Variants in ZDHHC18 observed in about 807,000 individuals in gnomAD.
The protein encoded by ZDHHC18 is zDHHC palmitoyltransferase 18.
ZDHHC18 carries 23 observed loss-of-function variants against 37.5 expected under a neutral mutation model. The observed-to-expected ratio is 0.61, with a 90% CI of 0.44 to 0.87. The LOEUF is 0.87. ZDHHC18 is among the 40% of genes least tolerant of loss of function. ZDHHC18 has a pLI of 0.00. For missense variants in ZDHHC18, 406 were observed against 525.6 expected (o/e 0.77, Z 2.22); for synonymous variants, 185 against 218.7 (o/e 0.85, Z 1.36).
chr1:26,848,546 C>T (rs2081684646), intron 2 of ZDHHC18, 62 bp from the exon 3 acceptor site: 1 of 1,575,670 alleles, frequency 6.3e-7, no homozygotes, highest in Non-Finnish European at 8.7e-7. Flanking sequence ...CTTTCCCCTG[C>T]TGGGGATCCG....
intron 7 of ZDHHC18, among the ~76,000 whole-genome samples, 185 bp from the exon 8 acceptor site, chr1:26,853,541 A>G (rs1211116511): frequency 6.6e-6 from 1 of 152,266 alleles, no homozygotes; most frequent in Non-Finnish European, 1.5e-5. Context: ...CCAGGTGGCC[A>G]GAGGGCAGAG....
In ZDHHC18 at chr1:26,854,369, C is replaced by G. The variant is rs912995212; in HGVS notation, c.*526C>G. The G allele has an allele frequency of 1.3e-5, 2 of 152,812 alleles. No individual in the cohort carries two copies. The highest frequency in any genetic ancestry group is 6.5e-5 in the Admixed American group (1 of 15,310). The allele number at this position is 152,812 out of a possible 1,614,324, so 9.5% of individuals were successfully genotyped here. Reference sequence around the variant, plus strand: ...TGGGATTTTTGGTGGGGTTTTCCCCCCTTTTTTATGGAGTTGGCCAATAGG... The same window carrying G: ...TGGGATTTTTGGTGGGGTTTTCCCCGCTTTTTTATGGAGTTGGCCAATAGG... On this transcript the variant is annotated 3_prime_UTR_variant, in exon 8 of 8. Transcript: ENST00000374142. This position sits in a 1 kb window ranked among gnomAD's most constrained non-coding sequence, Gnocchi z 4.6.
At chr1:26,843,227 CCA>C (rs2081647398) in intron 2 of ZDHHC18, among the ~76,000 whole-genome samples, 1 of 151,028 alleles carries the variant, frequency 6.6e-6, no homozygotes, top group African/African-American at 2.4e-5. Flanking sequence ...ACTGCAACCT[CCA>C]CCTCCCGAGT....
At position 26,852,254 on chromosome 1, in the gene ZDHHC18, T is replaced by C. The variant is rs577210731; in HGVS notation, c.937-499T>C. 3.9e-5 allele frequency among the ~76,000 whole-genome samples: 6 copies of C among 152,344 alleles called. No individual in the cohort carries two copies. The South Asian group carries it at 1.2e-3, about 32-fold the overall frequency. ...CAAGGTATTCTTTATTGCTAAACTCTCCAGTGCCTTCCATAGCTGACTTCA... is the reference window on the plus strand; with the variant it reads ...CAAGGTATTCTTTATTGCTAAACTCCCCAGTGCCTTCCATAGCTGACTTCA... On this transcript the variant is annotated intron_variant, in intron 6 of 7. Coordinates refer to ENST00000374142, the MANE Select transcript of ZDHHC18 (RefSeq NM_032283.3).
chr1:26,842,149 A>AAG (rs199852583), intron 2 of ZDHHC18, among the ~76,000 whole-genome samples: 8 of 149,694 alleles, frequency 5.3e-5, no homozygotes, highest in Non-Finnish European at 7.4e-5. Flanking sequence ...AAAAAAAAAA[A>AAG]AGAGAGAGAG....
intron 2 of ZDHHC18, among the ~76,000 whole-genome samples, chr1:26,840,722 G>A (rs937635572): frequency 7.3e-5 from 11 of 150,304 alleles, no homozygotes; most frequent in Admixed American, 1.3e-4. Context: ...GATTACAGGC[G>A]TGAGCCATCA....
chr1:26,844,131 C>A (rs151308420), intron 2 of ZDHHC18, among the ~76,000 whole-genome samples: 15 of 152,254 alleles, frequency 9.9e-5, no homozygotes, highest in Non-Finnish European at 2.1e-4. Flanking sequence ...CCTCCATCTC[C>A]TGGGTTCAAG....
At chr1:26,827,478 C>T (rs543862055) in intron 1 of ZDHHC18, among the ~76,000 whole-genome samples, 1 of 152,228 alleles carries the variant, frequency 6.6e-6, no homozygotes, top group African/African-American at 2.4e-5. Flanking sequence ...CCCCCATCCT[C>T]GCTGCCCTCT....
chr1:26,833,730 G>A (rs187726335), intron 2 of ZDHHC18, among the ~76,000 whole-genome samples: 39 of 152,172 alleles, frequency 2.6e-4, no homozygotes, highest in African/African-American at 8.4e-4. Flanking sequence ...GGGGGTTTCC[G>A]GTCCGTGGTT....
At chr1:26,853,621 C>G in intron 7 of ZDHHC18, 105 bp from the exon 8 acceptor site, 2 of 1,097,688 alleles carry the variant, frequency 1.8e-6, no homozygotes, top group South Asian at 2.8e-5. Context: ...CAGCCTTTCT[C>G]AGCCTGGGCC....
intron 1 of ZDHHC18, chr1:26,832,185 A>G (rs2081591100): frequency 4.4e-6 from 2 of 457,674 alleles, no homozygotes; most frequent in Admixed American, 3.7e-5. Flanking sequence ...TGCAGAGGTT[A>G]GGAGTGCTGG....
chr1:26,850,673 C>A lies in ZDHHC18; in HGVS notation c.833+67C>A. 1.3e-6 allele frequency: 2 copies of A among 1,555,808 alleles called. No individual in the cohort carries two copies. The highest frequency in any genetic ancestry group is 1.8e-6 in the Non-Finnish European group (2 of 1,131,374). Reference sequence around the variant, plus strand: ...GTCCCTTCACTGGGTGGGTGCCCTGCCTCATCCTCTAATCAGAAGGGAACA... The same window carrying A: ...GTCCCTTCACTGGGTGGGTGCCCTGACTCATCCTCTAATCAGAAGGGAACA... On this transcript the variant is annotated intron_variant, in intron 5 of 7. Coordinates refer to ENST00000374142, the MANE Select transcript of ZDHHC18 (RefSeq NM_032283.3). The surrounding 1 kb of genome is among the most constrained non-coding windows in gnomAD (Gnocchi z 6.1).
At chr1:26,844,371 G>C (rs1208248941) in intron 2 of ZDHHC18, among the ~76,000 whole-genome samples, 1 of 152,148 alleles carries the variant, frequency 6.6e-6, no homozygotes, top group Non-Finnish European at 1.5e-5. Flanking sequence ...TAATATTATT[G>C]TGTGTAGTTG....
In ZDHHC18 at chr1:26,843,238, G is replaced by A. The variant is rs2081647465; in HGVS notation, c.497-5370G>A. On this transcript the variant is annotated intron_variant, in intron 2 of 7. Transcript: ENST00000374142. ...GCTCACTGCAACCTCCACCTCCCGA[G>A]TTCAAGCAATTCTCCTTTCTCAGCC... Among the ~76,000 whole-genome samples, 3 of 150,508 alleles carry A rather than the reference G, an allele frequency of 2.0e-5. No homozygotes were observed. The South Asian group carries it at 6.3e-4, about 32-fold the overall frequency.
intron 2 of ZDHHC18, among the ~76,000 whole-genome samples, chr1:26,837,463 A>G (rs994502039): frequency 1.6e-5 from 2 of 128,690 alleles, no homozygotes; most frequent in Admixed American, 7.5e-5. Context: ...TATGTATATT[A>G]TTTATTTATT....
chr1:26,857,453 G>A lies in ZDHHC18; in HGVS notation c.*3610G>A, dbSNP rs563991565. ...CTCTAGGCACTGAGGGACCAAGCTA[G>A]CCGTGCACAGCCCCATACACTTCAG... On this transcript the variant is annotated 3_prime_UTR_variant, in exon 8 of 8. Coordinates refer to ENST00000374142, the MANE Select transcript of ZDHHC18 (RefSeq NM_032283.3). 1.3e-5 allele frequency: 2 copies of A among 152,356 alleles called. No individual in the cohort carries two copies. Among genetic ancestry groups the A allele is most frequent in the Admixed American group, 1.3e-4 (2 of 15,294 alleles). 9.4% of individuals were successfully genotyped at this position (152,356 alleles called of 1,614,324 possible).
In ZDHHC18 at chr1:26,856,226, A is replaced by AG. The variant is rs1445208838; in HGVS notation, c.*2387dup. The AG allele has an allele frequency of 2.2e-6, 1 of 453,218 alleles. No homozygotes were observed. The highest frequency in any genetic ancestry group is 4.5e-6 in the Non-Finnish European group (1 of 224,466). 28.1% of individuals were successfully genotyped at this position (453,218 alleles called of 1,614,324 possible). ...ATTTTGCCATCTCCTGCACAGCCTG[A>AG]GGGGAGCTAACAGGCCTCTTTGCAG... On this transcript the variant is annotated 3_prime_UTR_variant, in exon 8 of 8. Transcript: ENST00000374142. The surrounding 1 kb of genome is among the most constrained non-coding windows in gnomAD (Gnocchi z 5.2).
At position 26,833,187 on chromosome 1, in the gene ZDHHC18, G is replaced by C. The variant is rs75754253; in HGVS notation, c.496+580G>C. Among the ~76,000 whole-genome samples, 989 of 152,308 alleles carry C rather than the reference G, an allele frequency of 6.5e-3. 8 individuals are homozygous for C. The highest frequency in any genetic ancestry group is 0.022 in the African/African-American group (931 of 41,556). ...ATGGAGCTTGACAGTTGAGGAGGAG[G>C]AAAGAGACAATAAATAACAAATAAT... On this transcript the variant is annotated intron_variant, in intron 2 of 7. Coordinates refer to ENST00000374142, the MANE Select transcript of ZDHHC18 (RefSeq NM_032283.3).
chr1:26,845,386 G>A (rs2081658897), intron 2 of ZDHHC18, among the ~76,000 whole-genome samples: 1 of 121,276 alleles, frequency 8.2e-6, no homozygotes, highest in Admixed American at 1.0e-4. Context: ...AGGCTGGAGT[G>A]CAGTGGCATG....
Sources: gnomAD v4.1 joint callset for allele counts (sites outside exome capture counted in the v4.1 genomes callset) on GRCh38, gnomAD v4.1.1 for gene constraint, Gnocchi (gnomAD v3.1) non-coding constraint, MANE v1.5 for transcripts, NCBI Gene and HGNC (gene_info 2026-07-23, HGNC 2026-07-21) for gene names.